The following PREPL variants were observed in gnomAD, a reference collection of about 807,000 sequenced individuals.
PREPL encodes the protein prolyl endopeptidase-like.
In PREPL, 77 loss-of-function variants were observed where a neutral mutation model predicts 70.6. The observed-to-expected ratio is 1.09, with a 90% CI of 0.91 to 1.32. The LOEUF is 1.32. PREPL is among the 40% of genes most tolerant of loss of function. The pLI is 0.00. For missense variants in PREPL, 1,002 were observed against 778.2 expected (o/e 1.29, Z -3.42); for synonymous variants, 315 against 264.8 (o/e 1.19, Z -1.84).
rs1337624339 is a variant in PREPL, at chr2:44,321,065, G to T, written c.*291C>A. 2.6e-5 allele frequency: 11 copies of T among 415,392 alleles called. No individual in the cohort carries two copies. The highest frequency in any genetic ancestry group is 2.0e-4 in the African/African-American group (10 of 49,806). The allele number at this position is 415,392 out of a possible 1,614,324, so 25.7% of individuals were successfully genotyped here. A position where few individuals can be genotyped will look rare whatever the true frequency, so the allele number is the denominator to read the frequency against. On this transcript the variant is annotated 3_prime_UTR_variant, in exon 14 of 14. Transcript: ENST00000409411. ...AACTGCTCAACTGTTCTGACTGGAA[G>T]GGAGGCCTGGAGCTCTGCTATCACC...
At chr2:44,354,046 A>G (rs192771243) in intron 1 of PREPL, among the ~76,000 whole-genome samples, 1 of 152,170 alleles carries the variant, frequency 6.6e-6, no homozygotes, top group Admixed American at 6.5e-5. Flanking sequence ...GGGCCCAGCT[A>G]CTTGCAAGGT....
intron 7 of PREPL, among the ~76,000 whole-genome samples, chr2:44,333,573 A>G (rs1572868517): frequency 1.3e-5 from 2 of 152,056 alleles, no homozygotes; most frequent in African/African-American, 4.8e-5. Flanking sequence ...ATACCATTCC[A>G]CCTGCAGCAA....
At chr2:44,321,648 C>G (rs1048339102) in intron 13 of PREPL, 179 bp downstream of exon 13, 8 of 1,515,570 alleles carry the variant, frequency 5.3e-6, no homozygotes, top group African/African-American at 1.4e-5. Context: ...GTATCAAGTA[C>G]AAGAGAGAGA....
rs188076474 is a variant in PREPL at position 44,347,056 on chromosome 2, C to T, written c.-48-666G>A. Among the ~76,000 whole-genome samples, 20 of 152,172 alleles carry T rather than the reference C, an allele frequency of 1.3e-4. No homozygotes were observed. In the East Asian group the frequency reaches 3.3e-3, roughly 25 times the overall value. On this transcript the variant is annotated intron_variant, in intron 1 of 13. Coordinates refer to ENST00000409411, the MANE Select transcript of PREPL (RefSeq NM_001171613.2). ...CACATCAAAAAGTAAACTGGCGAGG[C>T]GCAGTGGCTCATGCCTGTAACCCCA...
intron 1 of PREPL, among the ~76,000 whole-genome samples, chr2:44,350,337 A>C (rs943077650): frequency 6.6e-6 from 1 of 152,142 alleles, no homozygotes; most frequent in East Asian, 1.9e-4. Flanking sequence ...AATAAAGGAG[A>C]TAAATCTTAG....
At chr2:44,358,233 G>C (rs1213725463) in intron 1 of PREPL, among the ~76,000 whole-genome samples, 1 of 152,114 alleles carries the variant, frequency 6.6e-6, no homozygotes, top group Non-Finnish European at 1.5e-5. Flanking sequence ...AAAAAGAAAT[G>C]AAGTTATGAT....
At chr2:44,345,378 G>A (rs889401293) in intron 2 of PREPL, among the ~76,000 whole-genome samples, 1 of 151,510 alleles carries the variant, frequency 6.6e-6, no homozygotes, top group East Asian at 1.9e-4. Flanking sequence ...TTGAGACAGA[G>A]TCTTGCTCTG....
chr2:44,329,854 C>G (rs939151378), intron 8 of PREPL, among the ~76,000 whole-genome samples: 1 of 152,208 alleles, frequency 6.6e-6, no homozygotes, highest in Non-Finnish European at 1.5e-5. Context: ...AGAACTAATT[C>G]TGATCTACCT....
Position 44,320,234 on chromosome 2 carries a change from A to AT in PREPL, c.*1121dup. 2 of 1,614,020 alleles carry AT rather than the reference A, an allele frequency of 1.2e-6. No individual in the cohort carries two copies. Among genetic ancestry groups the AT allele is most frequent in the African/African-American group, 2.7e-5 (2 of 75,056 alleles). ...CTCAGCCCAGATCGGCTTTGAAGTT[A>AT]TATCAAGATTTAAGTCTACTTCATG... is the stretch of plus-strand genomic sequence containing the variant. On this transcript the variant is annotated 3_prime_UTR_variant, in exon 14 of 14. Transcript: ENST00000409411.
intron 7 of PREPL, among the ~76,000 whole-genome samples, chr2:44,333,156 C>T (rs921658761): frequency 7.9e-5 from 12 of 152,202 alleles, no homozygotes; most frequent in Admixed American, 6.5e-5. Flanking sequence ...ACGGGCTCAG[C>T]AGCATTAAGG....
chr2:44,323,752 A>G lies in PREPL; in HGVS notation c.1480-341T>C, dbSNP rs182166504. ...ATACCAATTAGGACAGTTAGTTATT[A>G]TATTAAAACAACAACAACAACAACA... On this transcript the variant is annotated intron_variant, in intron 10 of 13. Transcript: ENST00000409411. Among the ~76,000 whole-genome samples, 5 of 152,322 alleles carry G rather than the reference A, an allele frequency of 3.3e-5. No homozygotes were observed. In the East Asian group the frequency reaches 9.6e-4, roughly 29 times the overall value.
chr2:44,351,934 C>T, intron 1 of PREPL, among the ~76,000 whole-genome samples: 1 of 152,334 alleles, frequency 6.6e-6, no homozygotes, highest in South Asian at 2.1e-4. Flanking sequence ...CTACAAAGTC[C>T]TAAAGAATCT....
chr2:44,337,266 A>G (rs1438164613), intron 7 of PREPL, among the ~76,000 whole-genome samples: 2 of 152,114 alleles, frequency 1.3e-5, no homozygotes, highest in African/African-American at 2.4e-5. Flanking sequence ...TTTATTTCAC[A>G]TTCAACCAAC....
chr2:44,320,023 T>C lies in PREPL; in HGVS notation c.*1333A>G. Reference sequence around the variant, plus strand: ...GCCGAAACCCCGAATTTGTCATTTCTATCAGTTTTTATATAAATTGTTCTT... The same window carrying C: ...GCCGAAACCCCGAATTTGTCATTTCCATCAGTTTTTATATAAATTGTTCTT... On this transcript the variant is annotated 3_prime_UTR_variant, in exon 14 of 14. Coordinates refer to ENST00000409411, the MANE Select transcript of PREPL (RefSeq NM_001171613.2). 1 of 608,640 alleles carries C rather than the reference T, an allele frequency of 1.6e-6. No individual in the cohort carries two copies. The highest frequency in any genetic ancestry group is 2.9e-6 in the Non-Finnish European group (1 of 347,688). 37.7% of individuals were successfully genotyped at this position (608,640 alleles called of 1,614,324 possible).
At chr2:44,337,914 T>C (rs756569205) in intron 7 of PREPL, among the ~76,000 whole-genome samples, 10 of 152,220 alleles carry the variant, frequency 6.6e-5, no homozygotes, top group Non-Finnish European at 1.3e-4. Context: ...CAGAAGATGA[T>C]GCAGACAAAA....
In PREPL at chr2:44,319,867, C is replaced by G; in HGVS notation, c.*1489G>C. ...GCAGTTACAATATAGCACAGAATGA[C>G]TATGCAAGTTAAATATTCATCTTAG... is the stretch of plus-strand genomic sequence containing the variant. On this transcript the variant is annotated 3_prime_UTR_variant, in exon 14 of 14. Coordinates refer to ENST00000409411, the MANE Select transcript of PREPL (RefSeq NM_001171613.2). The G allele has an allele frequency of 3.6e-6, 1 of 275,120 alleles. No individual in the cohort carries two copies. The highest frequency in any genetic ancestry group is 7.0e-6 in the Non-Finnish European group (1 of 143,138). The allele number at this position is 275,120 out of a possible 1,614,324, so 17.0% of individuals were successfully genotyped here.
intron 5 of PREPL, among the ~76,000 whole-genome samples, chr2:44,340,352 T>G (rs992160643): frequency 6.6e-6 from 1 of 152,116 alleles, no homozygotes; most frequent in Non-Finnish European, 1.5e-5. Context: ...ATGAATATAA[T>G]CAAATAATAT....
intron 5 of PREPL, among the ~76,000 whole-genome samples, chr2:44,341,480 C>T (rs1256821169): frequency 1.3e-5 from 2 of 151,952 alleles, no homozygotes; most frequent in African/African-American, 2.4e-5. Flanking sequence ...ACACTTTCTT[C>T]GCTGTTTTTA....
chr2:44,320,163 TCAAA>T lies in PREPL; in HGVS notation c.*1189_*1192del, dbSNP rs1672802254. 2.0e-6 allele frequency: 3 copies of T among 1,517,510 alleles called. No homozygotes were observed. The highest frequency in any genetic ancestry group is 3.4e-5 in the Admixed American group (2 of 58,708). 94.0% of individuals were successfully genotyped at this position (1,517,510 alleles called of 1,614,324 possible). A position where few individuals can be genotyped will look rare whatever the true frequency, so the allele number is the denominator to read the frequency against. ...AAATACTTACAAACAATTCTTAGAA[TCAAA>T]CACTTACGTAAATACTTTTTTAAAA... On this transcript the variant is annotated 3_prime_UTR_variant, in exon 14 of 14. Transcript: ENST00000409411.
Sources: allele counts gnomAD v4.1 joint callset (sites outside exome capture counted in the v4.1 genomes callset), GRCh38; gene constraint gnomAD v4.1.1; transcripts MANE v1.5; gene names NCBI Gene and HGNC (gene_info 2026-07-23, HGNC 2026-07-21).